NRG3: variants seen among roughly 807,000 people sequenced by gnomAD.
The protein encoded by NRG3 is neuregulin 3.
A neutral mutation model predicts 66.9 loss-of-function variants in NRG3; 31 were observed. The observed-to-expected ratio is 0.46, with a 90% CI of 0.35 to 0.63. The LOEUF is 0.63. Among genes scored for constraint, NRG3 ranks in the 20% least tolerant of loss-of-function variants. The pLI, the probability that NRG3 is intolerant of heterozygous loss-of-function variation, is 0.00. For synonymous variants in NRG3, 393 were observed against 359.4 expected (o/e 1.09, Z -1.06); for missense variants, 910 against 878.9 (o/e 1.04, Z -0.45).
intron 1 of NRG3, among the ~76,000 whole-genome samples, chr10:82,259,173 G>A (rs770934683): frequency 1.4e-4 from 21 of 152,138 alleles, no homozygotes; most frequent in South Asian, 4.1e-4. Context: ...GCCATTGATC[G>A]AAAATCTGAA....
chr10:82,970,526 T>A (rs1315004980), intron 6 of NRG3, among the ~76,000 whole-genome samples: 1 of 152,216 alleles, frequency 6.6e-6, no homozygotes, highest in East Asian at 1.9e-4. Context: ...CTTTGCCATA[T>A]GTATGTTGCC....
chr10:82,779,700 A>G (rs2060041557), intron 3 of NRG3, among the ~76,000 whole-genome samples: 1 of 151,232 alleles, frequency 6.6e-6, no homozygotes. Context: ...CATGTTTTCT[A>G]TTTCTTTAGT....
At chr10:82,338,032 G>A (rs772841529) in intron 1 of NRG3, among the ~76,000 whole-genome samples, 2 of 152,266 alleles carry the variant, frequency 1.3e-5, no homozygotes, top group Non-Finnish European at 2.9e-5. Context: ...CATGTGCATC[G>A]ATATGAAGAT....
intron 1 of NRG3, among the ~76,000 whole-genome samples, chr10:82,092,523 A>G (rs1239584937): frequency 6.6e-6 from 1 of 151,820 alleles, no homozygotes; most frequent in Non-Finnish European, 1.5e-5. Context: ...AATTTCATTC[A>G]TGTGCCTTGG....
chr10:82,412,694 C>G (rs1397416875), intron 2 of NRG3, among the ~76,000 whole-genome samples: 2 of 152,180 alleles, frequency 1.3e-5, no homozygotes, highest in African/African-American at 2.4e-5. Flanking sequence ...TTACCTACAG[C>G]AGAACTGCTT....
intron 2 of NRG3, among the ~76,000 whole-genome samples, chr10:82,366,717 T>G (rs1030432461): frequency 4.1e-4 from 63 of 152,246 alleles, no homozygotes; most frequent in African/African-American, 1.4e-3. Context: ...TACACTTTCA[T>G]GTGAAAATGT....
chr10:82,690,157 C>T (rs1049485806), intron 2 of NRG3, among the ~76,000 whole-genome samples: 1 of 152,026 alleles, frequency 6.6e-6, no homozygotes, highest in Admixed American at 6.6e-5. Flanking sequence ...CAATGGCAGA[C>T]AGAAATCTTT....
intron 1 of NRG3, among the ~76,000 whole-genome samples, chr10:82,155,857 T>G (rs1204425526): frequency 6.6e-6 from 1 of 151,766 alleles, no homozygotes; most frequent in African/African-American, 2.4e-5. Context: ...ACAGGTAGTA[T>G]GGACATGTAC....
intron 1 of NRG3, 140 bp from the exon 2 acceptor site, chr10:82,358,599 G>A (rs193035663): frequency 1.8e-6 from 2 of 1,081,430 alleles, no homozygotes; most frequent in African/African-American, 1.6e-5. Context: ...GTACCAAGGA[G>A]GGTTGGAGCT....
intron 2 of NRG3, among the ~76,000 whole-genome samples, chr10:82,704,519 A>G (rs2056142885): frequency 6.6e-6 from 1 of 152,196 alleles, no homozygotes; most frequent in Non-Finnish European, 1.5e-5. Flanking sequence ...ATTTAATAAC[A>G]CTACCAAAGG....
At chr10:82,411,826 C>T (rs1263127297) in intron 2 of NRG3, among the ~76,000 whole-genome samples, 1 of 151,962 alleles carries the variant, frequency 6.6e-6, no homozygotes, top group Non-Finnish European at 1.5e-5. Flanking sequence ...CCTTAGCGCA[C>T]CAGAAATTCC....
chr10:82,965,407 G>A (rs1851113106), intron 6 of NRG3, among the ~76,000 whole-genome samples: 1 of 152,180 alleles, frequency 6.6e-6, no homozygotes, highest in Non-Finnish European at 1.5e-5. Flanking sequence ...GCTTGTCTCG[G>A]AGATAGAACT....
At chr10:82,443,124 T>C (rs1301643155) in intron 2 of NRG3, among the ~76,000 whole-genome samples, 3 of 152,138 alleles carry the variant, frequency 2.0e-5, no homozygotes, top group Non-Finnish European at 4.4e-5. Context: ...AGCATATTTG[T>C]AGACCTTAGA....
chr10:81,982,998 T>G lies in NRG3; in HGVS notation c.823+106835T>G, dbSNP rs188511123. ...GTGAAAGGACTGGCATCTTAGTGAT[T>G]TTAAAACCATGTTTCCCTGAGTCTC... On this transcript the variant is annotated intron_variant, in intron 1 of 8. Transcript: ENST00000372141. 2.3e-4 allele frequency among the ~76,000 whole-genome samples: 35 copies of G among 152,262 alleles called. No individual in the cohort carries two copies. The East Asian group carries it at 6.4e-3, about 28-fold the overall frequency.
At chr10:82,516,779 C>A (rs1290473124) in intron 2 of NRG3, among the ~76,000 whole-genome samples, 1 of 152,076 alleles carries the variant, frequency 6.6e-6, no homozygotes, top group Non-Finnish European at 1.5e-5. Context: ...TTCAAGAAAT[C>A]AGGAAGTAAG....
In NRG3 at chr10:82,985,247, C is replaced by T. The variant is rs267602594; in HGVS notation, c.1733C>T (p.Pro578Leu). 4 of 1,614,074 alleles carry T rather than the reference C, an allele frequency of 2.5e-6. No individual in the cohort carries two copies. The African/African-American group carries it at 5.3e-5, about 22-fold the overall frequency. Residue 578 changes from proline (P) to leucine (L), a missense_variant, in exon 9 of 9, where the codon CCT becomes CTT. Coordinates refer to ENST00000372141, the MANE Select transcript of NRG3 (RefSeq NM_001010848.4). ...AGGGCCAGTTCTGTGCCCATCATCCCTTCAGTGGGTTTAGAGGAAACCTGC... is the reference window on the plus strand; with the variant it reads ...AGGGCCAGTTCTGTGCCCATCATCCTTTCAGTGGGTTTAGAGGAAACCTGC... Reference protein sequence around the residue: ...STRASSVPIIPSVGLEETCLQ... With the variant: ...STRASSVPIILSVGLEETCLQ...
intron 1 of NRG3, among the ~76,000 whole-genome samples, chr10:82,226,672 A>G (rs2076179290): frequency 1.3e-5 from 2 of 152,120 alleles, no homozygotes; most frequent in African/African-American, 4.8e-5. Flanking sequence ...GTTTGAATCC[A>G]TCTTTGTATT....
chr10:82,914,303 T>C (rs953760202), intron 4 of NRG3, among the ~76,000 whole-genome samples: 1 of 152,198 alleles, frequency 6.6e-6, no homozygotes, highest in Admixed American at 6.5e-5. Flanking sequence ...GATTCTCCCT[T>C]TGTCTCTTCA....
rs533071037 is a variant in NRG3 at position 82,910,436 on chromosome 10, TA to T, written c.1055-41030del. Among the ~76,000 whole-genome samples, 317 of 152,362 alleles carry T rather than the reference TA, an allele frequency of 2.1e-3. 5 individuals carry two copies. The highest frequency in any genetic ancestry group is 7.5e-3 in the African/African-American group (311 of 41,590). Reference sequence around the variant, plus strand: ...CTAATGCAGCAGGCACGCTTAAGTGTAAACTTGCTGTGTTAGGCATAAGCTT... The same window carrying T: ...CTAATGCAGCAGGCACGCTTAAGTGTAACTTGCTGTGTTAGGCATAAGCTT... On this transcript the variant is annotated intron_variant, in intron 4 of 8. Transcript: ENST00000372141.
Sources: allele counts gnomAD v4.1 joint callset (sites outside exome capture counted in the v4.1 genomes callset), GRCh38; gene constraint gnomAD v4.1.1; transcripts MANE v1.5; gene names NCBI Gene and HGNC (gene_info 2026-07-23, HGNC 2026-07-21).